Variants in LSM10 observed in about 807,000 individuals in gnomAD.
LSM10 encodes U7 snRNA-associated Sm-like protein LSm10.
A neutral mutation model predicts 5.2 loss-of-function variants in LSM10; 4 were observed. The ratio of observed to expected loss-of-function variants is 0.77; its 90% confidence interval spans 0.38 to 1.77. The LOEUF (loss-of-function observed/expected upper bound fraction) is 1.77, where lower values mean the gene tolerates loss of function less well. Ranked by LOEUF, LSM10 falls within the 40% of genes most tolerant of loss-of-function variation. The probability of loss-of-function intolerance (pLI) is 0.04; values close to 1 mark genes in which losing one functional copy is unlikely to be tolerated. For missense variants in LSM10, 150 were observed against 171.6 expected, an observed-to-expected ratio of 0.87 and a Z score of 0.70; for synonymous variants, 63 against 67.4, an observed-to-expected ratio of 0.94 and a Z score of 0.32.
In LSM10 at chr1:36,393,942, C is replaced by T. The variant is rs1647140262; in HGVS notation, c.188G>A (p.Trp63Ter). The T allele has an allele frequency of 6.2e-7, 1 of 1,614,222 alleles. No homozygotes were observed. The highest frequency in any genetic ancestry group is 8.5e-7 in the Non-Finnish European group (1 of 1,180,028). ...GTCATCCAGCTTGACCTGATGCCCC[C>T]AACGGTCCGTGTAGGTGACTTTGGC... ...RLAKVTYTDR[W>*]GHQVKLDDLF... Residue 63 changes from tryptophan (W) to a stop codon, truncating the protein, a stop_gained, in exon 2 of 2, where the codon TGG (tryptophan) becomes TAG (stop). Coordinates refer to ENST00000315732, the MANE Select transcript of LSM10 (RefSeq NM_032881.3). LOFTEE classifies it high-confidence loss of function.
rs1478702615 is a variant in LSM10 at position 36,393,964 on chromosome 1, T to C, written c.166A>G (p.Lys56Glu). 6.2e-7 allele frequency: 1 copy of C among 1,614,248 alleles called. No homozygotes were observed. The change falls in exon 2 of 2, where the codon AAA (lysine) becomes GAA (glutamate). Residue 56 changes from lysine to glutamate, a missense_variant. Coordinates refer to ENST00000315732, the MANE Select transcript of LSM10 (RefSeq NM_032881.3). The stretch of plus-strand genomic sequence containing the variant: ...CCCCAACGGTCCGTGTAGGTGACTT[T>C]GGCCAGGCGGATGTTCATGAAAGCA... ...VDAFMNIRLA[K>E]VTYTDRWGHQ...
At position 36,393,924 on chromosome 1, in the gene LSM10, A is replaced by C. The variant is rs768507311; in HGVS notation, c.206T>G (p.Leu69Arg). 3 of 1,614,272 alleles carry C rather than the reference A, an allele frequency of 1.9e-6. No homozygotes were observed. The Admixed American group carries it at 5.0e-5, about 27-fold the overall frequency. The stretch of plus-strand genomic sequence containing the variant: ...GCGGCCTGTCACAAAGAGGTCATCC[A>C]GCTTGACCTGATGCCCCCAACGGTC... ...YTDRWGHQVK[L>R]DDLFVTGRNV... The change falls in exon 2 of 2, where the codon CTG (leucine) becomes CGG (arginine). Residue 69 changes from leucine (L) to arginine (R), a missense_variant. Transcript: ENST00000315732.
At chr1:36,394,995 T>A (rs551704938) in intron 1 of LSM10, among the ~76,000 whole-genome samples, 1 of 152,164 alleles carries the variant, frequency 6.6e-6, no homozygotes, top group South Asian at 2.1e-4. Flanking sequence ...TAATCTCAGC[T>A]ACTCGGGAGG....
At chr1:36,394,801 C>A (rs1647146620) in intron 1 of LSM10, among the ~76,000 whole-genome samples, 1 of 146,414 alleles carries the variant, frequency 6.8e-6, no homozygotes, top group Non-Finnish European at 1.5e-5. Flanking sequence ...AAAAGAAAAA[C>A]CTATAAGAAA....
Position 36,393,986 on chromosome 1 carries a change from A to C in LSM10, c.144T>G (p.Ala48=), listed in dbSNP as rs1267486714. The change falls in exon 2 of 2, where the codon GCT becomes GCG. Residue 48 remains alanine (A), a synonymous_variant. Coordinates refer to ENST00000315732, the MANE Select transcript of LSM10 (RefSeq NM_032881.3). The stretch of plus-strand genomic sequence containing the variant: ...CTTTGGCCAGGCGGATGTTCATGAA[A>C]GCATCGACATTGTCTATGCGTCCGT... ...VAHGRIDNVD[A]FMNIRLAKVT... The C allele has an allele frequency of 7.4e-6, 12 of 1,614,210 alleles. No homozygotes were observed. Among genetic ancestry groups the C allele is most frequent in the African/African-American group, 1.3e-5 (1 of 75,050 alleles).
At chr1:36,396,318 C>T (rs1377143177) in intron 1 of LSM10, among the ~76,000 whole-genome samples, 1 of 152,034 alleles carries the variant, frequency 6.6e-6, no homozygotes, top group African/African-American at 2.4e-5. Flanking sequence ...CAGGTCTCTC[C>T]CCAAGCCTGT....
chr1:36,395,824 A>G (rs1398262679), intron 1 of LSM10, among the ~76,000 whole-genome samples: 1 of 151,426 alleles, frequency 6.6e-6, no homozygotes, highest in Non-Finnish European at 1.5e-5. Context: ...CAAACCTCAC[A>G]CCAGGTGTGC....
Position 36,393,682 on chromosome 1 carries a change from CAG to C in LSM10, c.*74_*75del. On this transcript the variant is annotated 3_prime_UTR_variant, in exon 2 of 2. Transcript: ENST00000315732. ...CCCTGCTTTCTTCTCGGGTACCAGA[CAG>C]GGTGTGAGGGCAGGGAACTAGCTCC... 2 of 1,564,882 alleles carry C rather than the reference CAG, an allele frequency of 1.3e-6. No homozygotes were observed. The highest frequency in any genetic ancestry group is 1.7e-6 in the Non-Finnish European group (2 of 1,151,320).
In LSM10 at chr1:36,395,848, G is replaced by A. The variant is rs190410543; in HGVS notation, c.-24-1695C>T. ...CACCAGGTGTGCATTAGAATCATCT[G>A]GTGAGTTTTTAACCCAACCTCCCCA... is the stretch of plus-strand genomic sequence containing the variant. On this transcript the variant is annotated intron_variant, in intron 1 of 1. Transcript: ENST00000315732. Among the ~76,000 whole-genome samples, 3 of 151,774 alleles carry A rather than the reference G, an allele frequency of 2.0e-5. No homozygotes were observed. The East Asian group carries it at 5.8e-4, about 29-fold the overall frequency.
chr1:36,396,419 G>A (rs551590697), intron 1 of LSM10, among the ~76,000 whole-genome samples: 2 of 152,100 alleles, frequency 1.3e-5, no homozygotes, highest in Admixed American at 6.6e-5. Context: ...GACCCCCTAC[G>A]TGAATTAGAT....
At position 36,394,877 on chromosome 1, in the gene LSM10, G is replaced by A. The variant is rs147400576; in HGVS notation, c.-24-724C>T. Among the ~76,000 whole-genome samples, 1,034 of 152,164 alleles carry A rather than the reference G, an allele frequency of 6.8e-3. 10 individuals are homozygous for A. Among genetic ancestry groups the A allele is most frequent in the African/African-American group, 0.023 (974 of 41,504 alleles). The stretch of plus-strand genomic sequence containing the variant: ...TCCCAGCACTTTGGGAGACTGAGGC[G>A]GGTGGATCACCTGAGGTCAGGAGTT... On this transcript the variant is annotated intron_variant, in intron 1 of 1. Coordinates refer to ENST00000315732, the MANE Select transcript of LSM10 (RefSeq NM_032881.3).
At chr1:36,395,790 A>AG (rs397805435) in intron 1 of LSM10, among the ~76,000 whole-genome samples, 2 of 151,144 alleles carry the variant, frequency 1.3e-5, no homozygotes, top group African/African-American at 2.4e-5. Context: ...AAAAAAAAAA[A>AG]GAAAATCCAT....
rs142372844 is a variant in LSM10 at position 36,394,028 on chromosome 1, C to G, written c.102G>C (p.Arg34=). 2 of 1,614,238 alleles carry G rather than the reference C, an allele frequency of 1.2e-6. No homozygotes were observed. The highest frequency in any genetic ancestry group is 3.3e-5 in the Admixed American group (2 of 60,028). Residue 34 remains arginine, a synonymous_variant, in exon 2 of 2, where the codon CGG becomes CGC. Coordinates refer to ENST00000315732, the MANE Select transcript of LSM10 (RefSeq NM_032881.3). ...TGCGTCCGTGGGCCACGCTCTCATC[C>G]CGCAGGTCCACAGTGGTTACCCGGC... ...LQGRVTTVDL[R]DESVAHGRID...
chr1:36,396,223 C>CAA (rs71053922), intron 1 of LSM10, among the ~76,000 whole-genome samples: 3 of 73,946 alleles, frequency 4.1e-5, no homozygotes, highest in Non-Finnish European at 7.1e-5. Context: ...GACTCCATCT[C>CAA]AAAAAAAAAA....
chr1:36,394,263 AT>A, intron 1 of LSM10, 110 bp from the exon 2 acceptor site: 4 of 1,018,842 alleles, frequency 3.9e-6, no homozygotes, highest in Non-Finnish European at 5.6e-6. Flanking sequence ...CACCTCTGCA[AT>A]TTTTGTATCT....
In LSM10 at chr1:36,393,683, A is replaced by C. The variant is rs1647137517; in HGVS notation, c.*75T>G. On this transcript the variant is annotated 3_prime_UTR_variant, in exon 2 of 2. Transcript: ENST00000315732. ...CCTGCTTTCTTCTCGGGTACCAGAC[A>C]GGGTGTGAGGGCAGGGAACTAGCTC... 3 of 1,565,186 alleles carry C rather than the reference A, an allele frequency of 1.9e-6. No homozygotes were observed. In the Admixed American group the frequency reaches 5.2e-5, roughly 27 times the overall value.
chr1:36,395,784 A>G (rs1195124564), intron 1 of LSM10, among the ~76,000 whole-genome samples: 7 of 151,246 alleles, frequency 4.6e-5, no homozygotes, highest in Non-Finnish European at 7.4e-5. Flanking sequence ...TCAAAAAAAA[A>G]AAAAAAGAAA....
intron 1 of LSM10, among the ~76,000 whole-genome samples, chr1:36,395,141 G>A (rs56755250): frequency 0.31 from 47,556 of 151,902 alleles, 7,603 homozygotes; most frequent in African/African-American, 0.35. Context: ...ATTTCTATTG[G>A]GTCAGAGACA....
At chr1:36,394,274 TG>T in intron 1 of LSM10, 121 bp from the exon 2 acceptor site, 1 of 881,558 alleles carries the variant, frequency 1.1e-6, no homozygotes, top group Non-Finnish European at 1.7e-6. Flanking sequence ...TTTTTGTATC[TG>T]TGGACACAGA....
Sources: allele counts gnomAD v4.1 joint callset (sites outside exome capture counted in the v4.1 genomes callset), GRCh38; gene constraint gnomAD v4.1.1; transcripts MANE v1.5; gene names NCBI Gene and HGNC (gene_info 2026-07-23, HGNC 2026-07-21).